Variants in TCF4 observed in about 807,000 individuals in gnomAD.
TCF4 encodes SL3-3 enhancer factor 2.
A neutral mutation model predicts 82.1 loss-of-function variants in TCF4; 3 were observed. That is an observed-to-expected ratio of 0.04 (90% CI 0.02 to 0.09). The LOEUF is 0.09. Ranked by LOEUF, TCF4 falls within the 10% of genes least tolerant of loss-of-function variation. TCF4 has a pLI of 1.00. For missense variants in TCF4, 518 were observed against 852.7 expected (o/e 0.61, Z 4.89); for synonymous variants, 276 against 309.6 (o/e 0.89, Z 1.14).
chr18:55,451,070 G>T (rs2095613442), intron 5 of TCF4, among the ~76,000 whole-genome samples: 1 of 152,152 alleles, frequency 6.6e-6, no homozygotes, highest in African/African-American at 2.4e-5. Context: ...TAAAAAAGAA[G>T]CCTTTTCATT....
intron 8 of TCF4, among the ~76,000 whole-genome samples, chr18:55,344,993 A>T (rs529530611): frequency 6.6e-5 from 10 of 152,240 alleles, no homozygotes; most frequent in African/African-American, 2.4e-4. Context: ...TAAAGGGTGC[A>T]GGATTGGGCT....
intron 6 of TCF4, among the ~76,000 whole-genome samples, chr18:55,390,426 C>T (rs1223790443): frequency 6.6e-6 from 1 of 151,940 alleles, no homozygotes; most frequent in African/African-American, 2.4e-5. Flanking sequence ...GGGTGAGTTT[C>T]CTAATAAATA....
chr18:55,275,548 C>T, intron 10 of TCF4, 71 bp downstream of exon 10: 1 of 1,603,552 alleles, frequency 6.2e-7, no homozygotes, highest in Non-Finnish European at 8.5e-7. Flanking sequence ...TGTGTATATG[C>T]ATGGAAAGAC....
At chr18:55,310,010 TA>T (rs1354811461) in intron 8 of TCF4, among the ~76,000 whole-genome samples, 9 of 152,222 alleles carry the variant, frequency 5.9e-5, no homozygotes, top group Non-Finnish European at 1.0e-4. Flanking sequence ...AAAAGAATGT[TA>T]AAATTTTCTT....
intron 5 of TCF4, among the ~76,000 whole-genome samples, chr18:55,458,856 G>A (rs565173887): frequency 4.0e-5 from 6 of 151,562 alleles, no homozygotes; most frequent in East Asian, 1.9e-4. Context: ...TTTGCATACC[G>A]CGCAATACCC....
intron 2 of TCF4, among the ~76,000 whole-genome samples, chr18:55,622,006 C>T (rs1354465387): frequency 7.8e-6 from 1 of 128,080 alleles, no homozygotes; most frequent in African/African-American, 3.0e-5. Context: ...TATATATACA[C>T]TATATATATT....
chr18:55,588,327 G>T (rs1389789024), upstream of TCF4: 4 of 1,475,632 alleles, frequency 2.7e-6, no homozygotes, highest in African/African-American at 1.4e-5. Context: ...ATGGGTGGGG[G>T]GGCTCCGGCG....
At chr18:55,403,864 TTATC>T (rs760188671) in intron 5 of TCF4, 37 of 1,468,076 alleles carry the variant, frequency 2.5e-5, no homozygotes, top group Admixed American at 7.1e-5. Flanking sequence ...AGCAGGCAAA[TTATC>T]TATGTAATGA....
intron 5 of TCF4, among the ~76,000 whole-genome samples, chr18:55,427,987 CA>C (rs2095055095): frequency 6.6e-6 from 1 of 152,054 alleles, no homozygotes; most frequent in African/African-American, 2.4e-5. Context: ...CAACTATAAA[CA>C]ATAGAGAAAA....
chr18:55,453,645 A>G (rs923108086), intron 5 of TCF4, among the ~76,000 whole-genome samples: 1 of 152,166 alleles, frequency 6.6e-6, no homozygotes, highest in East Asian at 1.9e-4. Flanking sequence ...TGAGGACCAC[A>G]GCATTAGCTG....
chr18:55,624,310 A>T (rs1043723593), intron 2 of TCF4, among the ~76,000 whole-genome samples: 1 of 151,952 alleles, frequency 6.6e-6, no homozygotes, highest in Non-Finnish European at 1.5e-5. Context: ...TGCAAGGTAG[A>T]TTATTTAATA....
intron 11 of TCF4, 42 bp from the exon 12 acceptor site, chr18:55,261,575 A>G: frequency 1.2e-6 from 2 of 1,608,474 alleles, no homozygotes; most frequent in African/African-American, 2.7e-5. Context: ...AGGCAGTGAG[A>G]CGTCTAACAA....
chr18:55,479,971 C>T (rs547257034), intron 3 of TCF4, among the ~76,000 whole-genome samples: 1 of 152,256 alleles, frequency 6.6e-6, no homozygotes, highest in African/African-American at 2.4e-5. Context: ...CCCTTTCAGA[C>T]TTGTTTTCCC....
chr18:55,544,240 A>C (rs2097187073), intron 3 of TCF4, among the ~76,000 whole-genome samples: 1 of 152,234 alleles, frequency 6.6e-6, no homozygotes, highest in Non-Finnish European at 1.5e-5. Flanking sequence ...CCTCAATTGT[A>C]AAATGATAAT....
chr18:55,326,523 CA>C (rs2147645602), intron 8 of TCF4, among the ~76,000 whole-genome samples: 1 of 149,900 alleles, frequency 6.7e-6, no homozygotes, highest in African/African-American at 2.5e-5. Context: ...CCCAATGGAG[CA>C]AAGATATTCA....
At chr18:55,281,997 T>C (rs559978237) in intron 8 of TCF4, among the ~76,000 whole-genome samples, 49 of 152,130 alleles carry the variant, frequency 3.2e-4, no homozygotes, top group Non-Finnish European at 6.3e-4. Flanking sequence ...ATGAAACTCT[T>C]TGTTAATAGG....
chr18:55,227,404 A>C lies in TCF4; in HGVS notation c.*631T>G, dbSNP rs577364523. On this transcript the variant is annotated 3_prime_UTR_variant, in exon 20 of 20. Coordinates refer to ENST00000354452, the MANE Select transcript of TCF4 (RefSeq NM_001083962.2). ...TATATTTATATATATATTTATATAT[A>C]TATTTGTCATAGGTCTATAAGATCC... 1.3e-5 allele frequency: 2 copies of C among 149,538 alleles called. No homozygotes were observed. The highest frequency in any genetic ancestry group is 6.7e-5 in the Admixed American group (1 of 14,950). 9.3% of individuals were successfully genotyped at this position (149,538 alleles called of 1,614,324 possible). A position where few individuals can be genotyped will look rare whatever the true frequency, so the allele number is the denominator to read the frequency against.
chr18:55,257,488 G>A, intron 13 of TCF4, 97 bp from the exon 14 acceptor site: 1 of 1,182,514 alleles, frequency 8.5e-7, no homozygotes, highest in South Asian at 1.2e-5. Flanking sequence ...CAATGGCAAT[G>A]ATGATTTTCA....
At chr18:55,529,162 C>G (rs1164179072) in intron 3 of TCF4, among the ~76,000 whole-genome samples, 2 of 152,094 alleles carry the variant, frequency 1.3e-5, no homozygotes, top group African/African-American at 4.8e-5. Context: ...CGGGTGGTAA[C>G]AGCCAGACTC....
Sources: allele counts gnomAD v4.1 joint callset (sites outside exome capture counted in the v4.1 genomes callset), GRCh38; gene constraint gnomAD v4.1.1; transcripts MANE v1.5; gene names NCBI Gene and HGNC (gene_info 2026-07-23, HGNC 2026-07-21).